Variants in ZNF624 observed in about 807,000 individuals in gnomAD.
ZNF624 encodes the protein zinc finger protein 624.
In ZNF624, 43 loss-of-function variants were observed where a neutral mutation model predicts 74.7. The observed-to-expected ratio is 0.58, with a 90% CI of 0.45 to 0.74. ZNF624 has a LOEUF of 0.74. Among genes scored for constraint, ZNF624 ranks in the 30% least tolerant of loss-of-function variants. ZNF624 has a pLI of 0.00. For synonymous variants in ZNF624, 331 were observed against 341.3 expected, an observed-to-expected ratio of 0.97 and a Z score of 0.33; for missense variants, 820 against 1,030.0, an observed-to-expected ratio of 0.80 and a Z score of 2.79.
At position 16,622,879 on chromosome 17, in the gene ZNF624, T is replaced by C. The variant is rs1227074508; in HGVS notation, c.2007A>G (p.Lys669=). Residue 669 remains lysine (K), a synonymous_variant, in exon 6 of 6, where the codon AAA becomes AAG. Coordinates refer to ENST00000311331, the MANE Select transcript of ZNF624 (RefSeq NM_020787.4). ...QRTHTGEKPY[K]CNECEKAFTN... ...TGAAGGCTTTCTCACATTCATTACATTTATATGGTTTTTCTCCAGTATGGG... is the reference window on the plus strand; with the variant it reads ...TGAAGGCTTTCTCACATTCATTACACTTATATGGTTTTTCTCCAGTATGGG... 2 of 1,613,826 alleles carry C rather than the reference T, an allele frequency of 1.2e-6. No homozygotes were observed. The highest frequency in any genetic ancestry group is 1.7e-6 in the Non-Finnish European group (2 of 1,179,932).
At chr17:16,649,544 A>T in intron 2 of ZNF624, 114 bp downstream of exon 2, 2 of 874,136 alleles carry the variant, frequency 2.3e-6, no homozygotes, top group Non-Finnish European at 3.7e-6. Flanking sequence ...GGGTCTATTT[A>T]GTTGAGTTCC....
At chr17:16,636,797 C>T (rs1291281566) in intron 3 of ZNF624, among the ~76,000 whole-genome samples, 1 of 151,476 alleles carries the variant, frequency 6.6e-6, no homozygotes, top group Non-Finnish European at 1.5e-5. Context: ...GATTGCGCCA[C>T]TGCACTCCAG....
At chr17:16,647,112 T>G (rs946573403) in intron 3 of ZNF624, among the ~76,000 whole-genome samples, 4 of 152,212 alleles carry the variant, frequency 2.6e-5, no homozygotes, top group Admixed American at 2.6e-4. Flanking sequence ...TGATAGGATA[T>G]TTTACCATTA....
chr17:16,647,410 A>G lies in ZNF624; in HGVS notation c.88-16T>C, dbSNP rs1909618863. Reference sequence around the variant, plus strand: ...CTTCAGGGCTCTGATGGGATACAGGATAAGATCATTCAGTGATAGGCTGCC... The same window carrying G: ...CTTCAGGGCTCTGATGGGATACAGGGTAAGATCATTCAGTGATAGGCTGCC... On this transcript the variant is annotated splice_polypyrimidine_tract_variant and intron_variant, in intron 2 of 5. Transcript: ENST00000311331. The G allele has an allele frequency of 6.2e-7, 1 of 1,613,000 alleles. No individual in the cohort carries two copies.
At chr17:16,634,176 C>T (rs1909273089) in intron 4 of ZNF624, among the ~76,000 whole-genome samples, 1 of 152,104 alleles carries the variant, frequency 6.6e-6, no homozygotes, top group Non-Finnish European at 1.5e-5. Context: ...GATGGACTAG[C>T]CAAATTTCAA....
chr17:16,652,632 A>C (rs1337214717), intron 1 of ZNF624, among the ~76,000 whole-genome samples: 2 of 152,236 alleles, frequency 1.3e-5, no homozygotes, highest in African/African-American at 4.8e-5. Context: ...TCAATTGTGC[A>C]AATGTAATGC....
At chr17:16,616,971 C>G, downstream of ZNF624, 3 of 1,595,594 alleles carry the variant, frequency 1.9e-6, no homozygotes, top group Non-Finnish European at 2.6e-6. Context: ...GACCAGGTAG[C>G]GGCGAATTGG....
rs1908934271 is a variant in ZNF624 at position 16,622,275 on chromosome 17, G to T, written c.*13C>A. 3 of 1,517,890 alleles carry T rather than the reference G, an allele frequency of 2.0e-6. No homozygotes were observed. The highest frequency in any genetic ancestry group is 2.7e-5 in the South Asian group (2 of 73,048). 94.0% of individuals were successfully genotyped at this position (1,517,890 alleles called of 1,614,324 possible). A position where few individuals can be genotyped will look rare whatever the true frequency, so the allele number is the denominator to read the frequency against. ...TTGTGGAGTTGACATCTAGGTGAAT[G>T]ACTTATTGTTCTTTATATTAACTGA... On this transcript the variant is annotated 3_prime_UTR_variant, in exon 6 of 6. Coordinates refer to ENST00000311331, the MANE Select transcript of ZNF624 (RefSeq NM_020787.4).
chr17:16,641,286 T>C (rs887168980), intron 3 of ZNF624, among the ~76,000 whole-genome samples: 15 of 150,102 alleles, frequency 1.0e-4, no homozygotes, highest in Non-Finnish European at 1.8e-4. Context: ...TTTCTCTCTC[T>C]CTCTCTTTTT....
intron 5 of ZNF624, among the ~76,000 whole-genome samples, chr17:16,628,541 A>C (rs903414314): frequency 3.3e-5 from 5 of 152,198 alleles, no homozygotes; most frequent in African/African-American, 1.2e-4. Flanking sequence ...CACAATAGAG[A>C]CAGCACATGA....
chr17:16,617,573 G>A, downstream of ZNF624: 1 of 1,571,254 alleles, frequency 6.4e-7, no homozygotes, highest in Non-Finnish European at 8.7e-7. Context: ...CGAACAGGTG[G>A]TCCGTATTTG....
intron 3 of ZNF624, among the ~76,000 whole-genome samples, chr17:16,635,704 G>C (rs1483943924): frequency 1.3e-5 from 2 of 152,030 alleles, no homozygotes; most frequent in African/African-American, 4.8e-5. Context: ...TTGTTTAACT[G>C]CTGTGCGTGT....
intron 2 of ZNF624, 142 bp downstream of exon 2, chr17:16,649,516 T>C (rs554145030): frequency 5.5e-5 from 38 of 695,530 alleles, no homozygotes; most frequent in South Asian, 8.7e-5. Context: ...CTACCCTTAC[T>C]GTGAACCCAA....
downstream of ZNF624, chr17:16,616,956 G>A (rs1908803616): frequency 1.1e-5 from 17 of 1,587,328 alleles, no homozygotes; most frequent in Non-Finnish European, 1.5e-5. Context: ...GGGCCTTTCA[G>A]GGTGGACCAG....
Position 16,622,732 on chromosome 17 carries a change from ATG to A in ZNF624, c.2152_2153del (p.His718TyrfsTer7). ...TACATTTAAATGGTTTCTCTCCAGT[ATG>A]TGTTCTTTGATGTGTATTAAAGCCT... ...NSGFNTHQRT[H>X]TGEKPFKCND... On this transcript the variant is annotated frameshift_variant, in exon 6 of 6. Coordinates refer to ENST00000311331, the MANE Select transcript of ZNF624 (RefSeq NM_020787.4). LOFTEE classifies it high-confidence loss of function. 6.2e-7 allele frequency: 1 copy of A among 1,613,622 alleles called. No homozygotes were observed. Among genetic ancestry groups the A allele is most frequent in the Non-Finnish European group, 8.5e-7 (1 of 1,179,922 alleles).
intron 2 of ZNF624, among the ~76,000 whole-genome samples, chr17:16,647,786 T>C (rs912328737): frequency 4.6e-5 from 7 of 152,146 alleles, no homozygotes; most frequent in African/African-American, 1.7e-4. Flanking sequence ...TTTTCTACAA[T>C]TGAAAAATCA....
At chr17:16,634,109 G>A in intron 4 of ZNF624, 152 bp from the exon 5 acceptor site, 3 of 532,956 alleles carry the variant, frequency 5.6e-6, no homozygotes, top group Non-Finnish European at 9.9e-6. Context: ...TGTCACATAT[G>A]GCTATTTAAA....
chr17:16,628,185 C>T (rs1909118679), intron 5 of ZNF624, among the ~76,000 whole-genome samples: 1 of 152,112 alleles, frequency 6.6e-6, no homozygotes, highest in South Asian at 2.1e-4. Context: ...ATCACTTGAA[C>T]TTGGGAGGTG....
At chr17:16,647,723 G>GA (rs1238948108) in intron 2 of ZNF624, among the ~76,000 whole-genome samples, 13 of 152,104 alleles carry the variant, frequency 8.5e-5, no homozygotes, top group Non-Finnish European at 1.3e-4. Flanking sequence ...CTATTTCTCA[G>GA]AAAGTATCTA....
Sources: gnomAD v4.1 joint callset for allele counts (sites outside exome capture counted in the v4.1 genomes callset) on GRCh38, gnomAD v4.1.1 for gene constraint, MANE v1.5 for transcripts, NCBI Gene and HGNC (gene_info 2026-07-23, HGNC 2026-07-21) for gene names.